Variants in TRHDE observed in about 807,000 individuals in gnomAD.
TRHDE encodes thyrotropin releasing hormone degrading enzyme.
TRHDE carries 72 observed loss-of-function variants against 125.7 expected under a neutral mutation model. The observed-to-expected ratio is 0.57, with a 90% confidence interval of 0.47 to 0.70. The LOEUF (loss-of-function observed/expected upper bound fraction) is 0.70. Among genes scored for constraint, TRHDE ranks in the 30% least tolerant of loss-of-function variants. TRHDE has a pLI of 0.00. For missense variants in TRHDE, 1,110 were observed against 1,327.1 expected (o/e 0.84, Z 2.54); for synonymous variants, 509 against 509.1 (o/e 1.00, Z 0.00).
intron 12 of TRHDE, among the ~76,000 whole-genome samples, chr12:72,580,269 A>G (rs10879451): frequency 0.27 from 40,433 of 152,070 alleles, 8,080 homozygotes; most frequent in East Asian, 0.54. Context: ...TCATTTTTGA[A>G]AAGGTATATG....
At position 72,290,900 on chromosome 12, in the gene TRHDE, A is replaced by G. The variant is rs186029524; in HGVS notation, c.1188+3946A>G. On this transcript the variant is annotated intron_variant, in intron 2 of 18. Transcript: ENST00000261180. Reference sequence around the variant, plus strand: ...CAGAGCATCACTTTTAAGACATTCTATTGGTTATAAGTGAGCACTAAGGAT... The same window carrying G: ...CAGAGCATCACTTTTAAGACATTCTGTTGGTTATAAGTGAGCACTAAGGAT... Among the ~76,000 whole-genome samples the G allele has an allele frequency of 5.3e-5, 8 of 152,326 alleles. No individual in the cohort carries two copies. In the East Asian group the frequency reaches 1.2e-3, roughly 22 times the overall value.
chr12:72,574,964 A>G (rs1592547266), intron 10 of TRHDE, among the ~76,000 whole-genome samples: 2 of 152,124 alleles, frequency 1.3e-5, no homozygotes, highest in Non-Finnish European at 2.9e-5. Context: ...GTAGATTTCT[A>G]GGTTACAGTT....
intron 1 of TRHDE, among the ~76,000 whole-genome samples, chr12:72,284,279 C>T (rs566970467): frequency 3.8e-4 from 58 of 152,216 alleles, no homozygotes; most frequent in South Asian, 1.2e-3. Context: ...AGACAATATT[C>T]GTTCAGTGAT....
chr12:72,235,144 A>G (rs567937485), intron 2 of TRHDE, among the ~76,000 whole-genome samples: 1 of 152,300 alleles, frequency 6.6e-6, no homozygotes, highest in East Asian at 1.9e-4. Flanking sequence ...GCTGGAGACA[A>G]TCTCTGGAGA....
At chr12:72,160,620 C>T (rs1876616208) in intron 2 of TRHDE, among the ~76,000 whole-genome samples, 1 of 151,910 alleles carries the variant, frequency 6.6e-6, no homozygotes, top group South Asian at 2.1e-4. Context: ...ACCTGGGAGG[C>T]GGAGGTTACA....
chr12:72,500,930 G>A (rs941273881), intron 6 of TRHDE, among the ~76,000 whole-genome samples: 12 of 136,518 alleles, frequency 8.8e-5, no homozygotes, highest in Non-Finnish European at 1.7e-4. Context: ...CTCCTACAAA[G>A]ATTATACTGG....
chr12:72,241,882 T>C (rs73135489), intron 2 of TRHDE, among the ~76,000 whole-genome samples: 10,605 of 152,238 alleles, frequency 0.07, 464 homozygotes, highest in Admixed American at 0.11. Context: ...TCTCTTGTCA[T>C]GGTTTTAATT....
At chr12:72,542,105 A>C (rs1869178546) in intron 6 of TRHDE, among the ~76,000 whole-genome samples, 186 bp from the exon 7 acceptor site, 1 of 151,380 alleles carries the variant, frequency 6.6e-6, no homozygotes, top group Non-Finnish European at 1.5e-5. Context: ...AAAACTTTAA[A>C]ATTCACAAGA....
At chr12:72,653,419 A>G (rs1874586687) in intron 17 of TRHDE, among the ~76,000 whole-genome samples, 1 of 152,120 alleles carries the variant, frequency 6.6e-6, no homozygotes, top group African/African-American at 2.4e-5. Context: ...TTCCTGGAAA[A>G]TCTATCAGAC....
intron 3 of TRHDE, among the ~76,000 whole-genome samples, chr12:72,437,763 A>C (rs1874810375): frequency 6.6e-6 from 1 of 151,798 alleles, no homozygotes. Flanking sequence ...ACATTACCTA[A>C]TGTAGTTATT....
At chr12:72,281,522 GT>G (rs1879697828) in intron 1 of TRHDE, among the ~76,000 whole-genome samples, 1 of 152,172 alleles carries the variant, frequency 6.6e-6, no homozygotes, top group Non-Finnish European at 1.5e-5. Flanking sequence ...AGAAATTGCA[GT>G]TGCTATAGAA....
At chr12:72,494,353 C>G (rs1219314859) in intron 5 of TRHDE, among the ~76,000 whole-genome samples, 1 of 152,004 alleles carries the variant, frequency 6.6e-6, no homozygotes, top group East Asian at 1.9e-4. Context: ...CTTCTGCTTT[C>G]TCCATGCCTA....
At chr12:72,390,837 T>G (rs1592411207) in intron 3 of TRHDE, among the ~76,000 whole-genome samples, 1 of 152,296 alleles carries the variant, frequency 6.6e-6, no homozygotes. Context: ...AATAAAAATC[T>G]TTGCTGTAAA....
intron 7 of TRHDE, among the ~76,000 whole-genome samples, chr12:72,551,090 C>T (rs1869650567): frequency 6.6e-6 from 1 of 151,926 alleles, no homozygotes; most frequent in Non-Finnish European, 1.5e-5. Flanking sequence ...ATAAAAGTAA[C>T]AAACTATAAC....
intron 5 of TRHDE, among the ~76,000 whole-genome samples, chr12:72,483,477 T>C (rs1592480034): frequency 6.6e-6 from 1 of 152,014 alleles, no homozygotes; most frequent in Non-Finnish European, 1.5e-5. Context: ...ACCAATATTT[T>C]TGTTATTATT....
intron 7 of TRHDE, among the ~76,000 whole-genome samples, chr12:72,554,612 G>A (rs1219184705): frequency 6.6e-6 from 1 of 152,174 alleles, no homozygotes; most frequent in Non-Finnish European, 1.5e-5. Context: ...ACAAGAAGCA[G>A]TCCATTTTTA....
rs537268769 is a variant in TRHDE at position 72,260,058 on chromosome 12, A to G, written n.280-117937A>G. Among the ~76,000 whole-genome samples, 6 of 152,344 alleles carry G rather than the reference A, an allele frequency of 3.9e-5. No individual in the cohort carries two copies. In the South Asian group the frequency reaches 1.2e-3, roughly 32 times the overall value. ...AAGATGGCACATACTTTCTATGCAC[A>G]TCTATATATGCACGTTGCTGTATAG... On this transcript the variant is annotated intron_variant and non_coding_transcript_variant, in intron 2 of 4. Transcript: ENST00000548156.
Position 72,457,108 on chromosome 12 carries a change from G to A in TRHDE, c.1316-12650G>A, listed in dbSNP as rs574596615. Among the ~76,000 whole-genome samples the A allele has an allele frequency of 1.9e-3, 290 of 152,204 alleles. 1 individual carries two copies. Among genetic ancestry groups the A allele is most frequent in the African/African-American group, 6.7e-3 (277 of 41,534 alleles). ...CATAATTCAACCTGAATGGGGCATG[G>A]CATTCATTTTTCTTCATGACATTGA... On this transcript the variant is annotated intron_variant, in intron 3 of 18. Coordinates refer to ENST00000261180, the MANE Select transcript of TRHDE (RefSeq NM_013381.3).
chr12:72,317,709 C>T (rs12321315), intron 2 of TRHDE, among the ~76,000 whole-genome samples: 39,842 of 151,882 alleles, frequency 0.26, 5,257 homozygotes, highest in East Asian at 0.35. Flanking sequence ...GTGTGGAAAC[C>T]ATAGGTACAT....
Sources: allele counts gnomAD v4.1 joint callset (sites outside exome capture counted in the v4.1 genomes callset), GRCh38; gene constraint gnomAD v4.1.1; transcripts MANE v1.5; gene names NCBI Gene and HGNC (gene_info 2026-07-23, HGNC 2026-07-21).